The following B3GLCT variants were observed in gnomAD, a reference collection of about 807,000 sequenced individuals.
The protein encoded by B3GLCT is beta 3-glucosyltransferase.
B3GLCT carries 65 observed loss-of-function variants against 63.4 expected under a neutral mutation model. The observed-to-expected ratio is 1.03, with a 90% CI of 0.84 to 1.26. The LOEUF is 1.26. Ranked by LOEUF, B3GLCT falls within the 50% of genes most tolerant of loss-of-function variation. The pLI, the probability that B3GLCT is intolerant of heterozygous loss-of-function variation, is 0.00. For missense variants in B3GLCT, 577 were observed against 604.8 expected (o/e 0.95, Z 0.48); for synonymous variants, 233 against 219.2 (o/e 1.06, Z -0.55).
intron 12 of B3GLCT, among the ~76,000 whole-genome samples, chr13:31,309,755 T>G (rs1034543235): frequency 2.8e-4 from 43 of 152,220 alleles, no homozygotes; most frequent in African/African-American, 1.0e-3. Context: ...CCTGTCCTTT[T>G]GGGGTTTTAT....
chr13:31,208,572 C>G (rs932532378), intron 1 of B3GLCT, among the ~76,000 whole-genome samples: 4 of 146,706 alleles, frequency 2.7e-5, no homozygotes, highest in East Asian at 4.0e-4. Context: ...TCTCACCCCC[C>G]ACCCGGGTGC....
chr13:31,252,746 G>C (rs1015557504), intron 6 of B3GLCT, among the ~76,000 whole-genome samples: 7 of 152,162 alleles, frequency 4.6e-5, no homozygotes, highest in Admixed American at 6.5e-5. Context: ...CAGAGACTTA[G>C]ACTCCCACAC....
intron 8 of B3GLCT, among the ~76,000 whole-genome samples, chr13:31,271,988 G>A: frequency 6.6e-6 from 1 of 151,836 alleles, no homozygotes; most frequent in East Asian, 1.9e-4. Flanking sequence ...GCATTTTTTG[G>A]TTGTTTGCCT....
chr13:31,219,822 A>G (rs1869736072), intron 2 of B3GLCT, among the ~76,000 whole-genome samples: 2 of 152,228 alleles, frequency 1.3e-5, no homozygotes, highest in Admixed American at 1.3e-4. Flanking sequence ...AAATCAAAGT[A>G]AAGAGGAACT....
chr13:31,201,170 T>TA (rs1368466896), intron 1 of B3GLCT, among the ~76,000 whole-genome samples: 5 of 152,192 alleles, frequency 3.3e-5, no homozygotes, highest in Non-Finnish European at 7.3e-5. Context: ...TCAGATTTTT[T>TA]AGTAATGGCA....
intron 12 of B3GLCT, among the ~76,000 whole-genome samples, chr13:31,299,376 A>G (rs1263903483): frequency 1.3e-5 from 2 of 152,078 alleles, no homozygotes; most frequent in East Asian, 3.9e-4. Flanking sequence ...TCCATGCAAT[A>G]TCTTCTGTTT....
At chr13:31,299,680 G>A (rs942809714) in intron 12 of B3GLCT, among the ~76,000 whole-genome samples, 6 of 152,184 alleles carry the variant, frequency 3.9e-5, no homozygotes, top group South Asian at 2.1e-4. Flanking sequence ...GCCTGCTGCC[G>A]TACCCCCATA....
At chr13:31,214,139 G>A (rs1261951649) in intron 1 of B3GLCT, among the ~76,000 whole-genome samples, 2 of 152,162 alleles carry the variant, frequency 1.3e-5, no homozygotes, top group Admixed American at 6.5e-5. Context: ...GACACTCCTT[G>A]TACATTATTG....
chr13:31,248,765 C>T (rs1325229048), intron 6 of B3GLCT, among the ~76,000 whole-genome samples: 1 of 152,176 alleles, frequency 6.6e-6, no homozygotes, highest in African/African-American at 2.4e-5. Flanking sequence ...ATTTTGTTTG[C>T]CTTGAAATCC....
rs931792819 is a variant in B3GLCT at position 31,330,503 on chromosome 13, G to A, written c.*835G>A. 1 of 151,382 alleles carries A rather than the reference G, an allele frequency of 6.6e-6. No homozygotes were observed. Among genetic ancestry groups the A allele is most frequent in the Non-Finnish European group, 1.5e-5 (1 of 67,888 alleles). The allele number at this position is 151,382 out of a possible 1,614,324, so 9.4% of individuals were successfully genotyped here. On this transcript the variant is annotated 3_prime_UTR_variant, in exon 15 of 15. Coordinates refer to ENST00000343307, the MANE Select transcript of B3GLCT (RefSeq NM_194318.4). ...GTCAGCAAGCTCTATGTGAGTCTCA[G>A]GAAGTGAATTAAATTTGGACCTTAT...
At chr13:31,281,184 A>T (rs1873051042) in intron 10 of B3GLCT, among the ~76,000 whole-genome samples, 1 of 152,118 alleles carries the variant, frequency 6.6e-6, no homozygotes, top group Non-Finnish European at 1.5e-5. Flanking sequence ...GTCTCCCTCT[A>T]ATTAAAGAGG....
rs538008158 is a variant in B3GLCT, at chr13:31,210,974, C to T, written c.71-4077C>T. Among the ~76,000 whole-genome samples the T allele has an allele frequency of 1.2e-3, 189 of 152,174 alleles. 3 individuals carry two copies. The South Asian group carries it at 0.035, about 28-fold the overall frequency. ...GGTCCCACCATCTTGCCCTTTTGAC[C>T]TCAAGCGATCCTCCTGCCTCAGCCT... is the stretch of plus-strand genomic sequence containing the variant. On this transcript the variant is annotated intron_variant, in intron 1 of 14. Coordinates refer to ENST00000343307, the MANE Select transcript of B3GLCT (RefSeq NM_194318.4).
chr13:31,319,829 C>T (rs1486107763), intron 13 of B3GLCT, among the ~76,000 whole-genome samples: 1 of 152,200 alleles, frequency 6.6e-6, no homozygotes, highest in East Asian at 1.9e-4. Flanking sequence ...ACCGTAACCC[C>T]TGATTTGTTC....
intron 12 of B3GLCT, among the ~76,000 whole-genome samples, chr13:31,309,825 C>T (rs1874613302): frequency 6.6e-6 from 1 of 152,148 alleles, no homozygotes; most frequent in Admixed American, 6.5e-5. Context: ...GAACAAGAAG[C>T]CCATGTTCTA....
In B3GLCT at chr13:31,317,564, A is replaced by G; in HGVS notation, c.1065-2A>G. 6.2e-7 allele frequency: 1 copy of G among 1,614,006 alleles called. No individual in the cohort carries two copies. Among genetic ancestry groups the G allele is most frequent in the Non-Finnish European group, 8.5e-7 (1 of 1,179,916 alleles). On this transcript the variant is annotated splice_acceptor_variant, in intron 12 of 14. Coordinates refer to ENST00000343307, the MANE Select transcript of B3GLCT (RefSeq NM_194318.4). LOFTEE classifies it high-confidence loss of function. ...TGATTTGTGTTCCCTTTGGCATCTC[A>G]GTATCTCCAGGCTCCAGCACTTGCT...
chr13:31,291,574 C>A (rs915445622), intron 12 of B3GLCT, among the ~76,000 whole-genome samples: 1 of 152,194 alleles, frequency 6.6e-6, no homozygotes, highest in South Asian at 2.1e-4. Context: ...GTATTTTATT[C>A]TTGTTGTAGC....
At position 31,329,812 on chromosome 13, in the gene B3GLCT, A is replaced by G. The variant is rs964587275; in HGVS notation, c.*144A>G. ...TTTAGGGGGAGATTTTATGTATGGT[A>G]TTTTTTGACAGAGGAAGAAAAGGGG... On this transcript the variant is annotated 3_prime_UTR_variant, in exon 15 of 15. Coordinates refer to ENST00000343307, the MANE Select transcript of B3GLCT (RefSeq NM_194318.4). 1 of 886,600 alleles carries G rather than the reference A, an allele frequency of 1.1e-6. No individual in the cohort carries two copies. The highest frequency in any genetic ancestry group is 1.8e-6 in the Non-Finnish European group (1 of 567,878). The allele number at this position is 886,600 out of a possible 1,614,324, so 54.9% of individuals were successfully genotyped here. A position where few individuals can be genotyped will look rare whatever the true frequency, so the allele number is the denominator to read the frequency against.
At chr13:31,250,951 T>G (rs996167711) in intron 6 of B3GLCT, among the ~76,000 whole-genome samples, 1 of 152,066 alleles carries the variant, frequency 6.6e-6, no homozygotes, top group Non-Finnish European at 1.5e-5. Context: ...GACAGACACC[T>G]CATACAGGAG....
intron 12 of B3GLCT, among the ~76,000 whole-genome samples, chr13:31,289,878 T>A (rs905691716): frequency 4.6e-5 from 7 of 152,042 alleles, no homozygotes; most frequent in Admixed American, 2.6e-4. Flanking sequence ...TTTTTTTTTT[T>A]AATTATACTT....
Sources: allele counts gnomAD v4.1 joint callset (sites outside exome capture counted in the v4.1 genomes callset), GRCh38; gene constraint gnomAD v4.1.1; transcripts MANE v1.5; gene names NCBI Gene and HGNC (gene_info 2026-07-23, HGNC 2026-07-21).